The following DNAH6 variants were observed in gnomAD, a reference collection of about 807,000 sequenced individuals.
DNAH6 encodes dynein axonemal heavy chain 6, also known as axonemal beta dynein heavy chain 6.
In DNAH6, 340 loss-of-function variants were observed where a neutral mutation model predicts 491.4. The observed-to-expected ratio is 0.69, with a 90% CI of 0.63 to 0.76. The LOEUF (loss-of-function observed/expected upper bound fraction) is 0.76. Ranked by LOEUF, DNAH6 falls within the 30% of genes least tolerant of loss-of-function variation. The pLI is 0.00. For synonymous variants in DNAH6, 1,603 were observed against 1,686.1 expected (o/e 0.95, Z 1.21); for missense variants, 4,443 against 4,972.2 (o/e 0.89, Z 3.20).
At chr2:84,703,087 A>T (rs1573539877) in intron 49 of DNAH6, among the ~76,000 whole-genome samples, 1 of 152,274 alleles carries the variant, frequency 6.6e-6, no homozygotes, top group African/African-American at 2.4e-5. Flanking sequence ...CTCATTCAAC[A>T]TGCTACCACA....
chr2:84,516,949 T>C (rs537470412), intron 1 of DNAH6, among the ~76,000 whole-genome samples: 1 of 152,364 alleles, frequency 6.6e-6, no homozygotes, highest in South Asian at 2.1e-4. Flanking sequence ...TTATACTGTG[T>C]GTTCAAATGA....
At chr2:84,460,971 A>G in the DNAH6 span, among the ~76,000 whole-genome samples, 1 of 152,226 alleles carries the variant, frequency 6.6e-6, no homozygotes, top group Non-Finnish European at 1.5e-5. Flanking sequence ...ATTTAGGATT[A>G]AACAAGTTTT....
Position 84,688,555 on chromosome 2 carries a change from G to A in DNAH6, c.7254G>A (p.Lys2418=). 6.5e-7 allele frequency: 1 copy of A among 1,544,370 alleles called. No individual in the cohort carries two copies. Among genetic ancestry groups the A allele is most frequent in the South Asian group, 1.2e-5 (1 of 81,972 alleles). ...ATCTCACAAATCCCAAAGAAGTAAA[G>A]TTGGTGTTCTTCCAGGATGCTATAG... ...DYNLTNPKEV[K]LVFFQDAIEH... is the part of the protein sequence containing the mutation. Residue 2418 remains lysine, a synonymous_variant, in exon 45 of 77, where the codon AAG becomes AAA. Coordinates refer to ENST00000389394, the MANE Select transcript of DNAH6 (RefSeq NM_001370.2).
chr2:84,515,210 CT>C (rs1200321861), upstream of DNAH6, among the ~76,000 whole-genome samples: 4 of 152,238 alleles, frequency 2.6e-5, no homozygotes, highest in African/African-American at 9.6e-5. Context: ...TATTTTTCAT[CT>C]CTGGGGAATT....
chr2:84,724,037 T>G (rs1698408995), intron 60 of DNAH6, among the ~76,000 whole-genome samples: 1 of 152,174 alleles, frequency 6.6e-6, no homozygotes, highest in African/African-American at 2.4e-5. Flanking sequence ...CCTCCCTGGC[T>G]CAGTCTTCCC....
At chr2:84,500,480 C>G in the DNAH6 span, among the ~76,000 whole-genome samples, 2 of 152,028 alleles carry the variant, frequency 1.3e-5, no homozygotes, top group Admixed American at 6.6e-5. Context: ...TCAAGTTTTG[C>G]TCTTTTTGCT....
chr2:84,799,350 A>G (rs1289280463), intron 70 of DNAH6, among the ~76,000 whole-genome samples: 1 of 152,198 alleles, frequency 6.6e-6, no homozygotes, highest in Non-Finnish European at 1.5e-5. Flanking sequence ...ACTGAGTTCC[A>G]TAGCCCAGAA....
chr2:84,758,451 C>T (rs903183341), intron 63 of DNAH6, among the ~76,000 whole-genome samples: 1 of 151,932 alleles, frequency 6.6e-6, no homozygotes, highest in Admixed American at 6.6e-5. Context: ...GATACCAAAA[C>T]CAGATAAGGA....
intron 73 of DNAH6, 80 bp downstream of exon 73, chr2:84,812,606 G>A (rs1680097031): frequency 8.9e-7 from 1 of 1,127,876 alleles, no homozygotes; most frequent in Admixed American, 2.6e-5. Flanking sequence ...ACTGGCTAAA[G>A]ATATCCACAG....
chr2:84,584,293 TTTACTA>T (rs1683324151), intron 15 of DNAH6, 43 bp downstream of exon 15: 1 of 1,581,674 alleles, frequency 6.3e-7, no homozygotes, highest in South Asian at 1.1e-5. Flanking sequence ...TATGCAAAGT[TTTACTA>T]TTACATTTGT....
chr2:84,637,204 G>A lies in DNAH6; in HGVS notation c.4654-6G>A, dbSNP rs181160299. ...GAGTGTTAACTTATATTTTATCTTC[G>A]AACAGCTCTCTAGATTCATGTTTGA... is the stretch of plus-strand genomic sequence containing the variant. On this transcript the variant is annotated splice_region_variant and splice_polypyrimidine_tract_variant and intron_variant, in intron 30 of 76. Coordinates refer to ENST00000389394, the MANE Select transcript of DNAH6 (RefSeq NM_001370.2). 114 of 1,527,418 alleles carry A rather than the reference G, an allele frequency of 7.5e-5. No homozygotes were observed. The Admixed American group carries it at 1.2e-3, about 16-fold the overall frequency. The allele number at this position is 1,527,418 out of a possible 1,614,324, so 94.6% of individuals were successfully genotyped here.
intron 45 of DNAH6, among the ~76,000 whole-genome samples, chr2:84,689,786 G>C (rs1326089518): frequency 6.6e-6 from 1 of 152,190 alleles, no homozygotes; most frequent in Non-Finnish European, 1.5e-5. Context: ...AGAGAGATTA[G>C]GTAAATGGTC....
chr2:84,817,772 A>G (rs1680631929), intron 76 of DNAH6, among the ~76,000 whole-genome samples: 1 of 152,190 alleles, frequency 6.6e-6, no homozygotes. Flanking sequence ...ATAGCAGAAG[A>G]CAAAAGGGAG....
intron 68 of DNAH6, among the ~76,000 whole-genome samples, chr2:84,791,643 A>G (rs1025088378): frequency 6.7e-6 from 1 of 150,008 alleles, no homozygotes; most frequent in African/African-American, 2.4e-5. Context: ...AAAATTAATG[A>G]ATTTATATAT....
At chr2:84,685,269 T>G (rs1338130718) in intron 42 of DNAH6, 57 bp from the exon 43 acceptor site, 9 of 1,272,080 alleles carry the variant, frequency 7.1e-6, no homozygotes, top group Non-Finnish European at 9.4e-6. Flanking sequence ...AAACTATTAC[T>G]GGAGATTCTA....
At chr2:84,651,595 G>T (rs967904658) in intron 33 of DNAH6, among the ~76,000 whole-genome samples, 75 of 151,944 alleles carry the variant, frequency 4.9e-4, no homozygotes, top group African/African-American at 1.8e-3. Flanking sequence ...GCTTTTCCTG[G>T]GGCTTTTTTT....
intron 59 of DNAH6, among the ~76,000 whole-genome samples, chr2:84,719,895 C>G (rs530269497): frequency 1.7e-3 from 228 of 137,206 alleles, no homozygotes; most frequent in African/African-American, 6.1e-3. Flanking sequence ...CACACACACA[C>G]ACAGACACAC....
rs1430650371 is a variant in DNAH6 at position 84,606,982 on chromosome 2, C to T, written c.3181C>T (p.Leu1061Phe). The T allele has an allele frequency of 3.2e-6, 5 of 1,550,696 alleles. No individual in the cohort carries two copies. The South Asian group carries it at 6.0e-5, about 18-fold the overall frequency. Residue 1061 changes from leucine (L) to phenylalanine (F), a missense_variant, in exon 21 of 77, where the codon CTT (leucine) becomes TTT (phenylalanine). Physicochemically the swap from Leu to Phe is conservative, Grantham distance 22. This residue lies in a region of DNAH6 where 2,977 missense variants were observed against 3,296.6 expected (regional missense o/e 0.90). Coordinates refer to ENST00000389394, the MANE Select transcript of DNAH6 (RefSeq NM_001370.2). The part of the protein sequence containing the change: ...LGGTDDIQVL[L>F]DDSTINVATL... ...TCTTCCCCTTCCTTTAAAGGTCCTT[C>T]TTGATGATAGCACCATCAATGTTGC...
At chr2:84,744,509 A>G (rs182046532) in intron 62 of DNAH6, among the ~76,000 whole-genome samples, 64 of 152,338 alleles carry the variant, frequency 4.2e-4, no homozygotes, top group African/African-American at 1.4e-3. Context: ...AAATATGTCA[A>G]CGTATTCAGC....
Sources: gnomAD v4.1 joint callset for allele counts (sites outside exome capture counted in the v4.1 genomes callset) on GRCh38, gnomAD v4.1.1 for gene constraint, gnomAD v4.1.1 regional missense constraint, MANE v1.5 for transcripts, NCBI Gene and HGNC (gene_info 2026-07-23, HGNC 2026-07-21) for gene names.